The following AP4E1 variants were observed in gnomAD, a reference collection of about 807,000 sequenced individuals.
The protein encoded by AP4E1 is AP-4 complex subunit epsilon-1.
Under a neutral mutation model 128.2 loss-of-function variants are expected in AP4E1, and 56 were observed. That is an observed-to-expected ratio of 0.44 (90% CI 0.35 to 0.55). The LOEUF is 0.55. Ranked by LOEUF, AP4E1 falls within the 20% of genes least tolerant of loss-of-function variation. The pLI is 0.00. For synonymous variants in AP4E1, 484 were observed against 473.1 expected, an observed-to-expected ratio of 1.02 and a Z score of -0.30; for missense variants, 1,324 against 1,307.7, an observed-to-expected ratio of 1.01 and a Z score of -0.19.
chr15:50,912,064 T>A lies in AP4E1; in HGVS notation c.151-14T>A. ...GACAGTTAATCAAGCATTTAAATAT[T>A]TTCACTTTCTCAGGAAGAAGAAAAA... On this transcript the variant is annotated splice_polypyrimidine_tract_variant and intron_variant, in intron 1 of 20. Transcript: ENST00000261842. 1 of 1,609,716 alleles carries A rather than the reference T, an allele frequency of 6.2e-7. No homozygotes were observed. The highest frequency in any genetic ancestry group is 8.5e-7 in the Non-Finnish European group (1 of 1,176,050).
Position 50,934,642 on chromosome 15 carries a change from T to C in AP4E1, c.888T>C (p.Tyr296=). The change falls in exon 8 of 21, where the codon TAT becomes TAC. Residue 296 remains tyrosine, a synonymous_variant. Coordinates refer to ENST00000261842, the MANE Select transcript of AP4E1 (RefSeq NM_007347.5). ...KDDQRTSELM[Y]DVLDESLRRA... ...TAAACAGGACAAGTGAATTAATGTA[T>C]GATGTTCTTGATGAATCCTTACGAA... 2 of 1,607,652 alleles carry C rather than the reference T, an allele frequency of 1.2e-6. No homozygotes were observed. The highest frequency in any genetic ancestry group is 1.7e-4 in the Middle Eastern group (1 of 6,022).
chr15:50,932,272 C>G (rs1215901816), intron 7 of AP4E1, among the ~76,000 whole-genome samples: 1 of 152,180 alleles, frequency 6.6e-6, no homozygotes, highest in African/African-American at 2.4e-5. Context: ...AGCCACCGCC[C>G]CGGCCTCAAT....
intron 20 of AP4E1, among the ~76,000 whole-genome samples, chr15:51,002,052 GT>G (rs2064970216): frequency 6.6e-6 from 1 of 151,952 alleles, no homozygotes; most frequent in Non-Finnish European, 1.5e-5. Flanking sequence ...CTAATTTTTT[GT>G]ATTTTTTAGT....
In AP4E1 at chr15:50,972,903, A is replaced by G. The variant is rs536531932; in HGVS notation, c.1966+4526A>G. Among the ~76,000 whole-genome samples the G allele has an allele frequency of 5.3e-5, 8 of 152,338 alleles. No individual in the cohort carries two copies. In the South Asian group the frequency reaches 1.7e-3, roughly 32 times the overall value. On this transcript the variant is annotated intron_variant, in intron 15 of 20. Coordinates refer to ENST00000261842, the MANE Select transcript of AP4E1 (RefSeq NM_007347.5). ...TTTCTCTCACACAGGACACAGCCACATGGCTCTGAGCAGTCTAATATTTCT... is the reference window on the plus strand; with the variant it reads ...TTTCTCTCACACAGGACACAGCCACGTGGCTCTGAGCAGTCTAATATTTCT...
At chr15:50,919,729 C>T (rs1274587662) in intron 3 of AP4E1, among the ~76,000 whole-genome samples, 1 of 151,820 alleles carries the variant, frequency 6.6e-6, no homozygotes, top group Admixed American at 6.6e-5. Context: ...CGTGTATCTG[C>T]AGGCATCAGA....
At position 50,949,837 on chromosome 15, in the gene AP4E1, A is replaced by G. The variant is rs775692007; in HGVS notation, c.1328A>G (p.Asp443Gly). 21 of 1,612,658 alleles carry G rather than the reference A, an allele frequency of 1.3e-5. No individual in the cohort carries two copies. Among genetic ancestry groups the G allele is most frequent in the South Asian group, 3.3e-5 (3 of 91,064 alleles). The change falls in exon 12 of 21, where the codon GAT becomes GGT. Residue 443 changes from aspartate to glycine, a missense_variant. Asp to Gly is a moderately conservative substitution (Grantham distance 94). Coordinates refer to ENST00000261842, the MANE Select transcript of AP4E1 (RefSeq NM_007347.5). ...AACACTGTGGACACATATGCTCCTG[A>G]TAATGCATGGTTTATTCAGACAATG... is the stretch of plus-strand genomic sequence containing the variant. ...IAELAEKYAP[D>G]NAWFIQTMNA... is the part of the protein sequence containing the mutation.
chr15:50,952,731 GA>G (rs561013857), intron 13 of AP4E1, among the ~76,000 whole-genome samples: 41 of 143,674 alleles, frequency 2.9e-4, no homozygotes, highest in African/African-American at 9.9e-4. Flanking sequence ...TTTTATGACT[GA>G]TTTTTTTGTT....
chr15:50,941,471 T>C lies in AP4E1; in HGVS notation c.973T>C (p.Tyr325His). 6.2e-7 allele frequency: 1 copy of C among 1,613,098 alleles called. No homozygotes were observed. The highest frequency in any genetic ancestry group is 8.5e-7 in the Non-Finnish European group (1 of 1,179,496). ...AILFECVHTV[Y>H]SIYPKSELLE... is the part of the protein sequence containing the mutation. ...TTTGTTTGAATGTGTGCATACAGTC[T>C]ATTCTATTTATCCTAAATCGGAATT... Residue 325 changes from tyrosine to histidine, a missense_variant, in exon 9 of 21, where the codon TAT becomes CAT. Tyr to His is a moderately conservative substitution (Grantham distance 83, BLOSUM62 2). Transcript: ENST00000261842.
intron 13 of AP4E1, among the ~76,000 whole-genome samples, chr15:50,952,378 C>G (rs1432751709): frequency 6.6e-6 from 1 of 151,874 alleles, no homozygotes; most frequent in African/African-American, 2.4e-5. Flanking sequence ...GGCATGGTGG[C>G]ACGCACCTGT....
At chr15:50,939,808 T>G (rs571246990) in intron 8 of AP4E1, among the ~76,000 whole-genome samples, 27 of 152,314 alleles carry the variant, frequency 1.8e-4, no homozygotes, top group Middle Eastern at 3.4e-3. Context: ...GTGTCAGTTA[T>G]GTTGGAAAAT....
intron 10 of AP4E1, among the ~76,000 whole-genome samples, chr15:50,943,500 G>T (rs895667979): frequency 6.6e-6 from 1 of 152,042 alleles, no homozygotes; most frequent in Non-Finnish European, 1.5e-5. Context: ...TAATTTCTGC[G>T]TGTAGACATC....
At chr15:50,975,816 G>T (rs2064542635) in intron 15 of AP4E1, among the ~76,000 whole-genome samples, 1 of 152,052 alleles carries the variant, frequency 6.6e-6, no homozygotes, top group African/African-American at 2.4e-5. Context: ...AACACTTAAT[G>T]AATTAATATT....
At chr15:50,977,470 G>A (rs986472361) in intron 15 of AP4E1, among the ~76,000 whole-genome samples, 1 of 152,070 alleles carries the variant, frequency 6.6e-6, no homozygotes, top group Non-Finnish European at 1.5e-5. Context: ...TCCCAAATCT[G>A]TGTGCTTCAA....
chr15:50,921,020 C>T (rs1180096360), intron 3 of AP4E1, among the ~76,000 whole-genome samples: 1 of 151,786 alleles, frequency 6.6e-6, no homozygotes, highest in Non-Finnish European at 1.5e-5. Context: ...CCAGGCTGGT[C>T]TCGAACTCCT....
chr15:50,949,947 A>T lies in AP4E1; in HGVS notation c.1429+9A>T. 6.2e-7 allele frequency: 1 copy of T among 1,603,460 alleles called. No homozygotes were observed. The highest frequency in any genetic ancestry group is 1.1e-5 in the South Asian group (1 of 90,870). On this transcript the variant is annotated intron_variant, in intron 12 of 20. Coordinates refer to ENST00000261842, the MANE Select transcript of AP4E1 (RefSeq NM_007347.5). ...GAGACTACTAGCGGAAGGTTGGTAC[A>T]CTATTATATTCTGTAAAGTAAACAT...
intron 1 of AP4E1, among the ~76,000 whole-genome samples, chr15:50,910,493 T>G (rs1019680209): frequency 6.6e-6 from 1 of 152,180 alleles, no homozygotes. Context: ...AAGACAAGTA[T>G]AAGCATGACT....
intron 7 of AP4E1, among the ~76,000 whole-genome samples, chr15:50,932,266 A>G (rs537968766): frequency 6.6e-6 from 1 of 152,162 alleles, no homozygotes; most frequent in East Asian, 1.9e-4. Flanking sequence ...GGCGTGAGCC[A>G]CCGCCCCGGC....
At chr15:50,925,796 A>AT (rs34511684) in intron 5 of AP4E1, among the ~76,000 whole-genome samples, 84 of 141,432 alleles carry the variant, frequency 5.9e-4, no homozygotes, top group Admixed American at 1.0e-3. Context: ...TGCCCGACTA[A>AT]TTTTTTTTTT....
Position 50,938,506 on chromosome 15 carries a change from A to G in AP4E1, c.944-2936A>G, listed in dbSNP as rs143390487. 1.8e-3 allele frequency among the ~76,000 whole-genome samples: 267 copies of G among 152,244 alleles called. 2 individuals carry two copies. The highest frequency in any genetic ancestry group is 6.2e-3 in the African/African-American group (258 of 41,550). On this transcript the variant is annotated intron_variant, in intron 8 of 20. Coordinates refer to ENST00000261842, the MANE Select transcript of AP4E1 (RefSeq NM_007347.5). The stretch of plus-strand genomic sequence containing the variant: ...GAGTGGTGACAGAAGCCCAAGAGAC[A>G]GCTGGAATTTCATTGATGCCAGGTG...
Sources: gnomAD v4.1 joint callset for allele counts (sites outside exome capture counted in the v4.1 genomes callset) on GRCh38, gnomAD v4.1.1 for gene constraint, MANE v1.5 for transcripts, NCBI Gene and HGNC (gene_info 2026-07-23, HGNC 2026-07-21) for gene names.